PLPPR3: variants seen among roughly 807,000 people sequenced by gnomAD.
The protein encoded by PLPPR3 is phospholipid phosphatase related 3.
PLPPR3 carries 14 observed loss-of-function variants against 27.3 expected under a neutral mutation model. The observed-to-expected ratio is 0.51, with a 90% confidence interval of 0.34 to 0.80. The LOEUF (loss-of-function observed/expected upper bound fraction) is 0.80. Among genes scored for constraint, PLPPR3 ranks in the 30% least tolerant of loss-of-function variants. The pLI, the probability that PLPPR3 is intolerant of heterozygous loss-of-function variation, is 0.01. For missense variants in PLPPR3, 1,287 were observed against 1,056.9 expected, an observed-to-expected ratio of 1.22 and a Z score of -3.02; for synonymous variants, 671 against 508.0, an observed-to-expected ratio of 1.32 and a Z score of -4.32.
chr19:820,368 A>G (rs2035126284), intron 2 of PLPPR3, among the ~76,000 whole-genome samples: 1 of 152,030 alleles, frequency 6.6e-6, no homozygotes, highest in African/African-American at 2.4e-5. Flanking sequence ...TTTTTTCTGT[A>G]GAGATGGGAT....
At position 812,506 on chromosome 19, in the gene PLPPR3, T is replaced by C. The variant is rs1338489048; in HGVS notation, c.*64A>G. 1 of 984,272 alleles carries C rather than the reference T, an allele frequency of 1.0e-6. No individual in the cohort carries two copies. The highest frequency in any genetic ancestry group is 1.2e-6 in the Non-Finnish European group (1 of 827,368). 61.0% of individuals were successfully genotyped at this position (984,272 alleles called of 1,614,324 possible). On this transcript the variant is annotated 3_prime_UTR_variant, in exon 8 of 8. Transcript: ENST00000520876. Reference sequence around the variant, plus strand: ...CCGGACCTCGGTTTCTGCCGCTTTATTGAGCATCCGCGCGGCCGCCCGCGC... The same window carrying C: ...CCGGACCTCGGTTTCTGCCGCTTTACTGAGCATCCGCGCGGCCGCCCGCGC...
chr19:814,868 G>T lies in PLPPR3; in HGVS notation c.599+18C>A. On this transcript the variant is annotated intron_variant, in intron 5 of 7. Coordinates refer to ENST00000520876, the MANE Select transcript of PLPPR3 (RefSeq NM_001270366.2). The stretch of plus-strand genomic sequence containing the variant: ...CGGAAGAAGGCTCCCAGTCAGGGGA[G>T]TTGGGGGTCCGGCTCACCGTGCAGA... The T allele has an allele frequency of 1.2e-6, 2 of 1,603,996 alleles. No individual in the cohort carries two copies. Among genetic ancestry groups the T allele is most frequent in the South Asian group, 2.2e-5 (2 of 90,952 alleles).
At chr19:815,588 A>C in intron 3 of PLPPR3, 78 bp downstream of exon 3, 5 of 1,395,612 alleles carry the variant, frequency 3.6e-6, no homozygotes, top group Non-Finnish European at 4.8e-6. Context: ...CCCAGTGTGG[A>C]TGTTCACCGA....
intron 2 of PLPPR3, among the ~76,000 whole-genome samples, chr19:820,981 C>T (rs1339567930): frequency 2.0e-5 from 3 of 152,238 alleles, no homozygotes; most frequent in Admixed American, 1.3e-4. Context: ...TGGTCATAAA[C>T]TCCTCACTAT....
Position 814,521 on chromosome 19 carries a change from G to A in PLPPR3, c.744C>T (p.Cys248=), listed in dbSNP as rs140948582. 43 of 1,611,226 alleles carry A rather than the reference G, an allele frequency of 2.7e-5. No individual in the cohort carries two copies. The highest frequency in any genetic ancestry group is 2.4e-4 in the South Asian group (22 of 91,068). Residue 248 remains cysteine, a synonymous_variant, in exon 7 of 8, where the codon TGC becomes TGT. Coordinates refer to ENST00000520876, the MANE Select transcript of PLPPR3 (RefSeq NM_001270366.2). ...GGTACTGCGTGATCTGCGTGAGCCC[G>A]CATACGCCCGCGGCGATGGCAAAGG... The part of the protein sequence containing the change: ...VFAFAIAAGV[C]GLTQITQYRS...
chr19:817,182 T>C lies in PLPPR3; in HGVS notation c.76-1331A>G, dbSNP rs539892888. Among the ~76,000 whole-genome samples, 10 of 152,312 alleles carry C rather than the reference T, an allele frequency of 6.6e-5. No individual in the cohort carries two copies. The South Asian group carries it at 2.1e-3, about 32-fold the overall frequency. On this transcript the variant is annotated intron_variant, in intron 2 of 7. Transcript: ENST00000520876. ...TAGTAGAGACAGGGTATCGTCATGT[T>C]GCCCAGGCTGGTCTCGAACTCCTAG...
chr19:821,132 C>A (rs2035137151), intron 2 of PLPPR3, among the ~76,000 whole-genome samples: 1 of 152,024 alleles, frequency 6.6e-6, no homozygotes. Flanking sequence ...GGCTTCGGAG[C>A]CCACGCGGCA....
chr19:814,331 A>G (rs2035012443), intron 7 of PLPPR3, 103 bp downstream of exon 7: 5 of 1,149,870 alleles, frequency 4.3e-6, no homozygotes, highest in Non-Finnish European at 5.9e-6. Flanking sequence ...CCCACCTCAG[A>G]CCCCTGGGCC....
chr19:822,200 C>A (rs574635003), upstream of PLPPR3, among the ~76,000 whole-genome samples: 1,855 of 151,728 alleles, frequency 0.012, 37 homozygotes, highest in African/African-American at 0.043. Flanking sequence ...GGGGTCGCGT[C>A]CTCCTCCCTT....
At position 813,608 on chromosome 19, in the gene PLPPR3, G is replaced by A. The variant is rs1000507877; in HGVS notation, c.1119C>T (p.Phe373=). 9 of 1,546,578 alleles carry A rather than the reference G, an allele frequency of 5.8e-6. No individual in the cohort carries two copies. The Admixed American group carries it at 1.6e-4, about 27-fold the overall frequency. Residue 373 remains phenylalanine (F), a synonymous_variant, in exon 8 of 8, where the codon TTC becomes TTT. Transcript: ENST00000520876. This position sits in a 1 kb window ranked among gnomAD's most constrained non-coding sequence, Gnocchi z 4.1. The part of the protein sequence containing the change: ...SPMAKENMVT[F]SHTLPRASAP... ...CGCTGGCCCTGGGCAGCGTGTGGCT[G>A]AAGGTCACCATGTTCTCCTTGGCCA...
chr19:813,095 C>G lies in PLPPR3; in HGVS notation c.1632G>C (p.Lys544Asn). Reference sequence around the variant, plus strand: ...CCTTGGGGCCCGGCGCGCCCGGAGCCTTGGACATGGCGATGACCTGCAGCA... The same window carrying G: ...CCTTGGGGCCCGGCGCGCCCGGAGCGTTGGACATGGCGATGACCTGCAGCA... Reference protein sequence around the residue: ...PRLLQVIAMSKAPGAPGPKAA... With the variant: ...PRLLQVIAMSNAPGAPGPKAA... Residue 544 changes from lysine to asparagine, a missense_variant, in exon 8 of 8, where the codon AAG (lysine) becomes AAC (asparagine). Transcript: ENST00000520876. This position sits in a 1 kb window ranked among gnomAD's most constrained non-coding sequence, Gnocchi z 4.1. The G allele has an allele frequency of 6.7e-7, 1 of 1,502,524 alleles. No individual in the cohort carries two copies. The highest frequency in any genetic ancestry group is 8.8e-7 in the Non-Finnish European group (1 of 1,136,738). The allele number at this position is 1,502,524 out of a possible 1,614,324, so 93.1% of individuals were successfully genotyped here. A position where few individuals can be genotyped will look rare whatever the true frequency, so the allele number is the denominator to read the frequency against.
At chr19:816,315 A>C in intron 2 of PLPPR3, among the ~76,000 whole-genome samples, 3 of 131,132 alleles carry the variant, frequency 2.3e-5, no homozygotes, top group Admixed American at 1.6e-4. Context: ...CCACCCACCC[A>C]ACTGTCCATC....
Position 813,342 on chromosome 19 carries a change from C to A in PLPPR3, c.1385G>T (p.Gly462Val). 1 of 1,473,912 alleles carries A rather than the reference C, an allele frequency of 6.8e-7. No homozygotes were observed. The highest frequency in any genetic ancestry group is 1.3e-5 in the South Asian group (1 of 74,578). The allele number at this position is 1,473,912 out of a possible 1,614,324, so 91.3% of individuals were successfully genotyped here. ...GGGGTAGAGCGAGGGCGGGGCCGGG[C>A]CCTCGTCCTCCTCCTCTTCCTCCTC... ...EEEEEEEEDE[G>V]PAPPSLYPTV... is the part of the protein sequence containing the mutation. The change falls in exon 8 of 8, where the codon GGC becomes GTC. Residue 462 changes from glycine (G) to valine (V), a missense_variant. Coordinates refer to ENST00000520876, the MANE Select transcript of PLPPR3 (RefSeq NM_001270366.2). The surrounding 1 kb of genome is among the most constrained non-coding windows in gnomAD (Gnocchi z 4.1).
chr19:815,861 C>T lies in PLPPR3; in HGVS notation c.76-10G>A. ...AAGCCACTATGGGCAGCTGTGGGGA[C>T]AAGGTGGGCCAGGTTCACCCTGCTC... On this transcript the variant is annotated splice_polypyrimidine_tract_variant and intron_variant, in intron 2 of 7. Transcript: ENST00000520876. 6.2e-7 allele frequency: 1 copy of T among 1,610,956 alleles called. No homozygotes were observed. The highest frequency in any genetic ancestry group is 1.3e-5 in the African/African-American group (1 of 74,992).
chr19:819,065 C>T (rs547402042), intron 2 of PLPPR3, among the ~76,000 whole-genome samples: 1 of 108,938 alleles, frequency 9.2e-6, no homozygotes, highest in East Asian at 2.4e-4. Flanking sequence ...CAACCTCCAC[C>T]TCCCGTCCTC....
rs1206035039 is a variant in PLPPR3, at chr19:813,241, T to C, written c.1486A>G (p.Ile496Val). 1 of 1,490,282 alleles carries C rather than the reference T, an allele frequency of 6.7e-7. No homozygotes were observed. The highest frequency in any genetic ancestry group is 1.5e-5 in the African/African-American group (1 of 67,544). 92.3% of individuals were successfully genotyped at this position (1,490,282 alleles called of 1,614,324 possible). Residue 496 changes from isoleucine to valine, a missense_variant, in exon 8 of 8, where the codon ATC becomes GTC. Transcript: ENST00000520876. This position sits in a 1 kb window ranked among gnomAD's most constrained non-coding sequence, Gnocchi z 4.1. ...PRAGPPPLVH[I>V]PEEGAQTGAG... ...CCCGTCTGCGCGCCCTCCTCCGGGA[T>C]GTGCACCAGCGGCGGCGGCCCCGCG...
At chr19:814,375 C>T in intron 7 of PLPPR3, 59 bp downstream of exon 7, 1 of 1,496,734 alleles carries the variant, frequency 6.7e-7, no homozygotes, top group Non-Finnish European at 9.0e-7. Flanking sequence ...GGCACTCATG[C>T]CTCCCCCCTC....
chr19:820,121 C>T (rs2145082643), intron 2 of PLPPR3, among the ~76,000 whole-genome samples: 1 of 152,100 alleles, frequency 6.6e-6, no homozygotes, highest in African/African-American at 2.4e-5. Flanking sequence ...GTGTTGAGAT[C>T]ACAGGCGTGA....
In PLPPR3 at chr19:813,027, G is replaced by A; in HGVS notation, c.1700C>T (p.Ser567Leu). 6.6e-7 allele frequency: 1 copy of A among 1,519,172 alleles called. No individual in the cohort carries two copies. Among genetic ancestry groups the A allele is most frequent in the African/African-American group, 1.4e-5 (1 of 69,638 alleles). 94.1% of individuals were successfully genotyped at this position (1,519,172 alleles called of 1,614,324 possible). A position where few individuals can be genotyped will look rare whatever the true frequency, so the allele number is the denominator to read the frequency against. Residue 567 changes from serine (S) to leucine (L), a missense_variant, in exon 8 of 8, where the codon TCG becomes TTG. Coordinates refer to ENST00000520876, the MANE Select transcript of PLPPR3 (RefSeq NM_001270366.2). The surrounding 1 kb of genome is among the most constrained non-coding windows in gnomAD (Gnocchi z 4.1). ...ASSSSASSDS[S>L]QYRSPSDRDS... ...GCGGTCCGACGGCGACCGGTACTGC[G>A]AGGAGTCGGAGCTGGCGCTGGACGA...
Sources: allele counts gnomAD v4.1 joint callset (sites outside exome capture counted in the v4.1 genomes callset), GRCh38; gene constraint gnomAD v4.1.1; non-coding constraint Gnocchi (gnomAD v3.1); transcripts MANE v1.5; gene names NCBI Gene and HGNC (gene_info 2026-07-23, HGNC 2026-07-21).